KAT8: variants seen among roughly 807,000 people sequenced by gnomAD.
KAT8 encodes the protein lysine acetyltransferase 8, also known as histone acetyltransferase KAT8.
A neutral mutation model predicts 62.9 loss-of-function variants in KAT8; 40 were observed. The ratio of observed to expected loss-of-function variants is 0.64; its 90% CI spans 0.49 to 0.83. KAT8 has a LOEUF of 0.83. KAT8 is among the 40% of genes least tolerant of loss of function. KAT8 has a pLI of 0.00. For synonymous variants in KAT8, 278 were observed against 254.5 expected, an observed-to-expected ratio of 1.09 and a Z score of -0.88; for missense variants, 387 against 614.8, an observed-to-expected ratio of 0.63 and a Z score of 3.92.
rs773167972 is a variant in KAT8, at chr16:31,127,166, C to T, written c.517-23C>T. Reference sequence around the variant, plus strand: ...AGCCCCTGCTGAGCCGTGCACTGTGCCTCACTCCCACCCTGCCTGCAGATC... The same window carrying T: ...AGCCCCTGCTGAGCCGTGCACTGTGTCTCACTCCCACCCTGCCTGCAGATC... On this transcript the variant is annotated intron_variant, in intron 4 of 10. Coordinates refer to ENST00000219797, the MANE Select transcript of KAT8 (RefSeq NM_032188.3). The T allele has an allele frequency of 3.1e-6, 5 of 1,614,202 alleles. No homozygotes were observed. The South Asian group carries it at 5.5e-5, about 18-fold the overall frequency.
At chr16:31,122,249 GT>G (rs1180136349) in intron 3 of KAT8, 1 of 152,202 alleles carries the variant, frequency 6.6e-6, no homozygotes, top group African/African-American at 2.4e-5. Flanking sequence ...AAATCAGGGT[GT>G]TGCACTTTAT....
In KAT8 at chr16:31,117,672, C is replaced by A; in HGVS notation, c.-10C>A. ...TGGCGTCCGATTCTGGCGTCACTTC[C>A]CTTCCCGCGATGGCGGCACAGGGAG... On this transcript the variant is annotated 5_prime_UTR_variant, in exon 1 of 11. Coordinates refer to ENST00000219797, the MANE Select transcript of KAT8 (RefSeq NM_032188.3). 7.2e-7 allele frequency: 1 copy of A among 1,387,738 alleles called. No homozygotes were observed. The highest frequency in any genetic ancestry group is 1.6e-5 in the South Asian group (1 of 62,772). The allele number at this position is 1,387,738 out of a possible 1,614,324, so 86.0% of individuals were successfully genotyped here.
chr16:31,117,938 A>C, intron 1 of KAT8, 46 bp downstream of exon 1: 2 of 328,358 alleles, frequency 6.1e-6, no homozygotes, highest in Non-Finnish European at 8.4e-6. Context: ...GCTCAGGGCC[A>C]GGGGGTGGGG....
At chr16:31,125,923 G>C (rs2057528748) in intron 3 of KAT8, 1 of 152,218 alleles carries the variant, frequency 6.6e-6, no homozygotes, top group Non-Finnish European at 1.5e-5. Context: ...GAGGAACCCA[G>C]GTGGGCATAC....
At chr16:31,124,762 C>CA (rs2057521852) in intron 3 of KAT8, among the ~76,000 whole-genome samples, 1 of 141,304 alleles carries the variant, frequency 7.1e-6, no homozygotes, top group Admixed American at 7.3e-5. Context: ...GGCTATGGCT[C>CA]ATGCCTGTAA....
chr16:31,131,225 C>T lies in KAT8; in HGVS notation c.1343C>T (p.Pro448Leu), dbSNP rs771185890. Reference sequence around the variant, plus strand: ...TCCGTCTGCCTCAAGTGGGCACCCCCCAAGCACAAGCAAGTCAAGCTCTCC... The same window carrying T: ...TCCGTCTGCCTCAAGTGGGCACCCCTCAAGCACAAGCAAGTCAAGCTCTCC... Reference protein sequence around the residue: ...VDSVCLKWAPPKHKQVKLSKK With the variant: ...VDSVCLKWAPLKHKQVKLSKK The change falls in exon 11 of 11, where the codon CCC becomes CTC. Residue 448 changes from proline to leucine, a missense_variant. Pro to Leu is a moderately conservative substitution (Grantham distance 98). Coordinates refer to ENST00000219797, the MANE Select transcript of KAT8 (RefSeq NM_032188.3). The T allele has an allele frequency of 1.9e-6, 3 of 1,614,144 alleles. No homozygotes were observed. The highest frequency in any genetic ancestry group is 2.5e-6 in the Non-Finnish European group (3 of 1,179,990).
At chr16:31,131,170 T>C (rs1344299047) in intron 10 of KAT8, 25 bp from the exon 11 acceptor site, 1 of 1,613,216 alleles carries the variant, frequency 6.2e-7, no homozygotes, top group Non-Finnish European at 8.5e-7. Flanking sequence ...GGCCCAGCCC[T>C]GCCTCCCGCC....
At position 31,127,092 on chromosome 16, in the gene KAT8, AGT is replaced by A; in HGVS notation, c.516+6_516+7del. On this transcript the variant is annotated splice_donor_5th_base_variant and intron_variant, in intron 4 of 10. Transcript: ENST00000219797. ...CTTGGAGAAGGAGCATGAGGCGGTA[AGT>A]GGGGCTGGGAAGCTGCCTGCAGGTC... 1 of 1,614,064 alleles carries A rather than the reference AGT, an allele frequency of 6.2e-7. No homozygotes were observed. The highest frequency in any genetic ancestry group is 2.2e-5 in the East Asian group (1 of 44,860).
intron 3 of KAT8, among the ~76,000 whole-genome samples, chr16:31,121,792 G>A (rs955233195): frequency 2.7e-5 from 4 of 150,842 alleles, no homozygotes; most frequent in African/African-American, 7.3e-5. Flanking sequence ...TTACTCTATC[G>A]TCTAGGCTGA....
At chr16:31,128,212 C>A in intron 6 of KAT8, 73 bp downstream of exon 6, 2 of 1,186,448 alleles carry the variant, frequency 1.7e-6, no homozygotes, top group Non-Finnish European at 2.5e-6. Flanking sequence ...TCATCACCAC[C>A]AAAGGGGAGG....
chr16:31,121,893 A>G (rs563206461), intron 3 of KAT8, among the ~76,000 whole-genome samples: 1 of 152,128 alleles, frequency 6.6e-6, no homozygotes, highest in Non-Finnish European at 1.5e-5. Context: ...CTGGGACCAT[A>G]GGCACGTGCC....
chr16:31,122,047 G>A (rs767874126), intron 3 of KAT8, among the ~76,000 whole-genome samples: 9 of 152,202 alleles, frequency 5.9e-5, no homozygotes, highest in South Asian at 2.1e-4. Context: ...CACTGCGCCC[G>A]ACCAAGTCTC....
chr16:31,118,767 C>T (rs915286427), intron 1 of KAT8: 2 of 152,088 alleles, frequency 1.3e-5, no homozygotes, highest in African/African-American at 4.8e-5. Context: ...GGGCCAGACA[C>T]GTAGTGGTTG....
In KAT8 at chr16:31,118,259, CAG is replaced by C. The variant is rs551050864; in HGVS notation, c.211+373_211+374del. On this transcript the variant is annotated intron_variant, in intron 1 of 10. Transcript: ENST00000219797. ...TCCATTTGTCCCTGGCAGCCATCCG[CAG>C]AGAGAAGACCTTCCAGAAACAACAG... The C allele has an allele frequency of 1.3e-3, 258 of 195,646 alleles. 1 individual carries two copies. The highest frequency in any genetic ancestry group is 5.6e-3 in the Middle Eastern group (3 of 536). 12.1% of individuals were successfully genotyped at this position (195,646 alleles called of 1,614,324 possible).
chr16:31,121,135 T>C (rs1690038381), intron 3 of KAT8: 2 of 151,436 alleles, frequency 1.3e-5, no homozygotes, highest in Admixed American at 6.6e-5. Flanking sequence ...TTGTTTTTTT[T>C]TTTGAGACGG....
At chr16:31,129,896 T>A in intron 6 of KAT8, 121 bp from the exon 7 acceptor site, 1 of 1,070,784 alleles carries the variant, frequency 9.3e-7, no homozygotes, top group Non-Finnish European at 1.4e-6. Flanking sequence ...CTCCTTCCAG[T>A]GTGAAATCCT....
intron 3 of KAT8, chr16:31,126,675 G>A (rs1157880573): frequency 7.4e-6 from 2 of 271,662 alleles, no homozygotes; most frequent in Admixed American, 4.8e-5. Context: ...CAGTTCTTAC[G>A]CTGGGCCTGG....
At chr16:31,126,743 C>T (rs942082830) in intron 3 of KAT8, 3 of 412,538 alleles carry the variant, frequency 7.3e-6, no homozygotes, top group African/African-American at 2.0e-5. Flanking sequence ...GGATTGCCCC[C>T]CATCGTGCAG....
chr16:31,131,140 G>A (rs753780065), intron 10 of KAT8, 55 bp from the exon 11 acceptor site: 287 of 1,606,258 alleles, frequency 1.8e-4, no homozygotes, highest in Middle Eastern at 1.3e-3. Context: ...GGGCAGCCAG[G>A]TGTGAGCTGG....
Sources: gnomAD v4.1 joint callset for allele counts (sites outside exome capture counted in the v4.1 genomes callset) on GRCh38, gnomAD v4.1.1 for gene constraint, MANE v1.5 for transcripts, NCBI Gene and HGNC (gene_info 2026-07-23, HGNC 2026-07-21) for gene names.